TNS2: variants seen among roughly 807,000 people sequenced by gnomAD.
TNS2 encodes tensin-2.
TNS2 carries 77 observed loss-of-function variants against 155.7 expected under a neutral mutation model. That is an observed-to-expected ratio of 0.49 (90% CI 0.41 to 0.60). The LOEUF (loss-of-function observed/expected upper bound fraction) is 0.60. TNS2 is among the 20% of genes least tolerant of loss of function. The probability of loss-of-function intolerance (pLI) is 0.00; values close to 1 mark genes in which losing one functional copy is unlikely to be tolerated. For missense variants in TNS2, 1,703 were observed against 1,868.8 expected (o/e 0.91, Z 1.64); for synonymous variants, 726 against 763.9 (o/e 0.95, Z 0.82).
chr12:53,052,328 G>A, intron 2 of TNS2, 127 bp from the exon 3 acceptor site: 2 of 1,237,822 alleles, frequency 1.6e-6, no homozygotes, highest in African/African-American at 1.5e-5. Context: ...GCCCCAGCCA[G>A]CCCAGTCCAG....
At chr12:53,061,720 C>A (rs981223649) in intron 21 of TNS2, 95 bp from the exon 22 acceptor site, 4 of 1,541,928 alleles carry the variant, frequency 2.6e-6, no homozygotes, top group African/African-American at 2.7e-5. Flanking sequence ...AGGGCAGAGA[C>A]CATGGAGCTT....
In TNS2 at chr12:53,057,006, TC is replaced by T. The variant is rs752890183; in HGVS notation, c.762-3del. ...CTAATCCCCAACACTGGCCTTGCTA[TC>T]CCCAGGGCGGACCAGGCACTGGCCA... On this transcript the variant is annotated splice_region_variant and splice_polypyrimidine_tract_variant and intron_variant, in intron 10 of 28. Transcript: ENST00000314250. 19 of 1,612,340 alleles carry T rather than the reference TC, an allele frequency of 1.2e-5. No homozygotes were observed. The African/African-American group carries it at 2.1e-4, about 18-fold the overall frequency.
intron 8 of TNS2, 94 bp from the exon 9 acceptor site, chr12:53,055,474 C>A (rs1944114928): frequency 6.8e-7 from 1 of 1,461,246 alleles, no homozygotes; most frequent in Non-Finnish European, 9.2e-7. Flanking sequence ...CCCAGCCTTG[C>A]CCCCGGACCC....
At position 53,050,189 on chromosome 12, in the gene TNS2, A is replaced by G. The variant is rs763321923; in HGVS notation, c.4A>G (p.Lys2Glu). 12 of 1,610,596 alleles carry G rather than the reference A, an allele frequency of 7.5e-6. No individual in the cohort carries two copies. Among genetic ancestry groups the G allele is most frequent in the Non-Finnish European group, 1.0e-5 (12 of 1,179,186 alleles). The change falls in exon 1 of 29, where the codon AAG becomes GAG. Residue 2 changes from lysine (K) to glutamate (E), a missense_variant. Physicochemically the swap from Lys to Glu is moderately conservative, Grantham distance 56. Transcript: ENST00000314250. This position sits in a 1 kb window ranked among gnomAD's most constrained non-coding sequence, Gnocchi z 4.7. M[K>E]SSGPVERLLR... ...GCACCCCAGCCAGCCGAACACCATG[A>G]AGTCCAGCGGCCCTGTGGAGAGGCT...
In TNS2 at chr12:53,060,819, T is replaced by C. The variant is rs540144695; in HGVS notation, c.2913T>C (p.Pro971=). The C allele has an allele frequency of 6.2e-7, 1 of 1,609,296 alleles. No homozygotes were observed. Among genetic ancestry groups the C allele is most frequent in the Non-Finnish European group, 8.5e-7 (1 of 1,176,896 alleles). ...GAAGTGGGCCTGAGCCTCTGGCCCC[T>C]AGCCCAGTCTCTCCGACCTTCCCTC... ...PSGSGPEPLA[P]SPVSPTFPPS... Residue 971 remains proline (P), a synonymous_variant, in exon 20 of 29, where the codon CCT becomes CCC. Coordinates refer to ENST00000314250, the MANE Select transcript of TNS2 (RefSeq NM_170754.4). The surrounding 1 kb of genome is among the most constrained non-coding windows in gnomAD (Gnocchi z 6.1).
rs1944183225 is a variant in TNS2, at chr12:53,056,994, C to T, written c.762-19C>T. On this transcript the variant is annotated intron_variant, in intron 10 of 28. Coordinates refer to ENST00000314250, the MANE Select transcript of TNS2 (RefSeq NM_170754.4). ...GAAGATTAATCCCTAATCCCCAACA[C>T]TGGCCTTGCTATCCCCAGGGCGGAC... is the stretch of plus-strand genomic sequence containing the variant. 6.2e-7 allele frequency: 1 copy of T among 1,610,544 alleles called. No homozygotes were observed. The highest frequency in any genetic ancestry group is 8.5e-7 in the Non-Finnish European group (1 of 1,178,502).
At position 53,059,103 on chromosome 12, in the gene TNS2, C is replaced by T. The variant is rs772146644; in HGVS notation, c.1462C>T (p.Arg488Trp). The change falls in exon 18 of 29, where the codon CGG becomes TGG. Residue 488 changes from arginine (R) to tryptophan (W), a missense_variant. By Grantham distance (101) the Arg-to-Trp change is moderately radical. Coordinates refer to ENST00000314250, the MANE Select transcript of TNS2 (RefSeq NM_170754.4). The surrounding 1 kb of genome is among the most constrained non-coding windows in gnomAD (Gnocchi z 4.7). ...LDGSPYAQVQ[R>W]PPRQTPPAPS... ...TGGCAGTCCTTATGCCCAGGTGCAG[C>T]GGCCTCCCCGGCAGACCCCCCCGGC... is the stretch of plus-strand genomic sequence containing the variant. 1.3e-5 allele frequency: 20 copies of T among 1,548,102 alleles called. No homozygotes were observed. Among genetic ancestry groups the T allele is most frequent in the Non-Finnish European group, 1.7e-5 (20 of 1,154,836 alleles).
In TNS2 at chr12:53,050,309, G is replaced by A. The variant is rs983533422; in HGVS notation, c.75+49G>A. 2.1e-5 allele frequency: 32 copies of A among 1,530,486 alleles called. No individual in the cohort carries two copies. Among genetic ancestry groups the A allele is most frequent in the East Asian group, 4.7e-5 (2 of 42,350 alleles). 94.8% of individuals were successfully genotyped at this position (1,530,486 alleles called of 1,614,324 possible). A position where few individuals can be genotyped will look rare whatever the true frequency, so the allele number is the denominator to read the frequency against. On this transcript the variant is annotated intron_variant, in intron 1 of 28. Transcript: ENST00000314250. This position sits in a 1 kb window ranked among gnomAD's most constrained non-coding sequence, Gnocchi z 4.7. ...AAAAGAGGGGCAGGGGTGGAGGTGC[G>A]GGCAGTGGGGGAGGGGACCAGGAAT...
At position 53,060,639 on chromosome 12, in the gene TNS2, G is replaced by C; in HGVS notation, c.2769-36G>C. The stretch of plus-strand genomic sequence containing the variant: ...AGGTGGGGTGGGAGCAGCCACAATG[G>C]GGGCTCTGCTGACCATCTGCCCTTC... On this transcript the variant is annotated intron_variant, in intron 19 of 28. Transcript: ENST00000314250. The surrounding 1 kb of genome is among the most constrained non-coding windows in gnomAD (Gnocchi z 6.1). The C allele has an allele frequency of 6.3e-7, 1 of 1,586,708 alleles. No homozygotes were observed.
Position 53,050,240 on chromosome 12 carries a change from A to C in TNS2, c.55A>C (p.Ser19Arg), listed in dbSNP as rs1192386463. The C allele has an allele frequency of 1.9e-6, 3 of 1,609,438 alleles. No homozygotes were observed. Among genetic ancestry groups the C allele is most frequent in the Non-Finnish European group, 2.5e-6 (3 of 1,178,794 alleles). The change falls in exon 1 of 29, where the codon AGC (serine) becomes CGC (arginine). Residue 19 changes from serine to arginine, a missense_variant. Ser to Arg is a moderately radical substitution (Grantham distance 110). Transcript: ENST00000314250. The surrounding 1 kb of genome is among the most constrained non-coding windows in gnomAD (Gnocchi z 4.7). ...GCTCAGAGCCCTGGGGAGGAGGGACAGCAGCCGGGCCGCAAGCAGGGTAGG... is the reference window on the plus strand; with the variant it reads ...GCTCAGAGCCCTGGGGAGGAGGGACCGCAGCCGGGCCGCAAGCAGGGTAGG... ...RLLRALGRRDSSRAASRPRKA... is the reference protein window; with the variant it reads ...RLLRALGRRDRSRAASRPRKA...
chr12:53,063,474 C>A lies in TNS2; in HGVS notation c.4061+57C>A, dbSNP rs1944448344. 3 of 1,612,256 alleles carry A rather than the reference C, an allele frequency of 1.9e-6. No individual in the cohort carries two copies. The highest frequency in any genetic ancestry group is 2.2e-5 in the South Asian group (2 of 91,036). ...TCCCCATGGTCCCACCAGGTCCCAG[C>A]TCCCAGCCCCAGCCCCAGCCCCGGC... On this transcript the variant is annotated intron_variant, in intron 27 of 28. Transcript: ENST00000314250. This position sits in a 1 kb window ranked among gnomAD's most constrained non-coding sequence, Gnocchi z 5.6.
At chr12:53,056,433 C>G (rs1944161791) in intron 10 of TNS2, 1 of 153,656 alleles carries the variant, frequency 6.5e-6, no homozygotes, top group Non-Finnish European at 1.4e-5. Context: ...GCCAGAAGCC[C>G]CAAACCAAGC....
chr12:53,047,149 G>GGGGGGAGGA (rs1555156075), upstream of TNS2: 1 of 148,102 alleles, frequency 6.8e-6, no homozygotes, highest in Non-Finnish European at 1.5e-5. Context: ...GGAGCCGGGA[G>GGGGGGAGGA]GGAGGAGGAG....
In TNS2 at chr12:53,058,594, C is replaced by T. The variant is rs1944250289; in HGVS notation, c.1248C>T (p.Ala416=). The T allele has an allele frequency of 6.2e-7, 1 of 1,614,114 alleles. No homozygotes were observed. The highest frequency in any genetic ancestry group is 1.1e-5 in the South Asian group (1 of 91,084). The change falls in exon 16 of 29, where the codon GCC becomes GCT. Residue 416 remains alanine (A), a synonymous_variant. Coordinates refer to ENST00000314250, the MANE Select transcript of TNS2 (RefSeq NM_170754.4). ...AWTDERFPFQ[A]SVEFVFSSSP... is the part of the protein sequence containing the mutation. ...TAGATGAGAGGTTCCCCTTCCAAGC[C>T]TCCGTGGAGTTTGTCTTCTCCTCCA...
In TNS2 at chr12:53,059,319, G is replaced by T; in HGVS notation, c.1678G>T (p.Glu560Ter). The T allele has an allele frequency of 7.0e-7, 1 of 1,432,976 alleles. No individual in the cohort carries two copies. The highest frequency in any genetic ancestry group is 2.8e-5 in the Admixed American group (1 of 36,108). The allele number at this position is 1,432,976 out of a possible 1,614,324, so 88.8% of individuals were successfully genotyped here. A position where few individuals can be genotyped will look rare whatever the true frequency, so the allele number is the denominator to read the frequency against. The change falls in exon 18 of 29, where the codon GAG becomes TAG. Residue 560 changes from glutamate (E) to a stop codon, truncating the protein, a stop_gained. Coordinates refer to ENST00000314250, the MANE Select transcript of TNS2 (RefSeq NM_170754.4). LOFTEE classifies it high-confidence loss of function. This position sits in a 1 kb window ranked among gnomAD's most constrained non-coding sequence, Gnocchi z 4.7. ...VASGGRGAGR[E>*]TAILDDEEQP... ...CAGTGGGGGCCGGGGAGCTGGGCGC[G>T]AGACGGCCATCCTAGATGACGAAGA...
intron 6 of TNS2, 70 bp downstream of exon 6, chr12:53,054,084 C>T (rs183271946): frequency 4.4e-6 from 7 of 1,606,380 alleles, no homozygotes; most frequent in Middle Eastern, 1.9e-4. Flanking sequence ...GCCCAGGGCA[C>T]TGCCCCGCAA....
In TNS2 at chr12:53,059,543, C is replaced by A. The variant is rs144263825; in HGVS notation, c.1902C>A (p.Ala634=). ...ATGAGGGATCCCCCCAGGGCTACGC[C>A]GAGGCCTCGATGGAGAAGAGGCGCC... is the stretch of plus-strand genomic sequence containing the variant. ...GGYEGSPQGY[A]EASMEKRRLC... The change falls in exon 18 of 29, where the codon GCC becomes GCA. Residue 634 remains alanine, a synonymous_variant. Transcript: ENST00000314250. The surrounding 1 kb of genome is among the most constrained non-coding windows in gnomAD (Gnocchi z 4.7). 22 of 1,591,602 alleles carry A rather than the reference C, an allele frequency of 1.4e-5. No individual in the cohort carries two copies. In the African/African-American group the frequency reaches 3.0e-4, roughly 21 times the overall value.
intron 2 of TNS2, chr12:53,052,200 G>C (rs558668609): frequency 2.1e-5 from 13 of 607,796 alleles, no homozygotes; most frequent in Non-Finnish European, 2.9e-5. Flanking sequence ...GACTTGTGAC[G>C]GTAGTCTTCC....
intron 10 of TNS2, 91 bp from the exon 11 acceptor site, chr12:53,056,922 C>T: frequency 8.1e-7 from 1 of 1,237,694 alleles, no homozygotes. Context: ...CTTAGAGAAT[C>T]ATATTTCTCC....
Sources: allele counts gnomAD v4.1 joint callset, GRCh38; gene constraint gnomAD v4.1.1; non-coding constraint Gnocchi (gnomAD v3.1); transcripts MANE v1.5; gene names NCBI Gene and HGNC (gene_info 2026-07-23, HGNC 2026-07-21).